Variants in ZNHIT6 observed in about 807,000 individuals in gnomAD.
The protein encoded by ZNHIT6 is zinc finger HIT-type containing 6, also known as box C/D snoRNA protein 1.
In ZNHIT6, 45 loss-of-function variants were observed where a neutral mutation model predicts 57.2. That is an observed-to-expected ratio of 0.79 (90% CI 0.62 to 1.01). The LOEUF is 1.01. Ranked by LOEUF, ZNHIT6 falls within the 50% of genes least tolerant of loss-of-function variation. The probability of loss-of-function intolerance (pLI) is 0.00; values close to 1 mark genes in which losing one functional copy is unlikely to be tolerated. For missense variants in ZNHIT6, 528 were observed against 567.3 expected (o/e 0.93, Z 0.70); for synonymous variants, 188 against 190.0 (o/e 0.99, Z 0.09).
intron 8 of ZNHIT6, among the ~76,000 whole-genome samples, chr1:85,658,376 G>A (rs577399799): frequency 6.6e-6 from 1 of 152,020 alleles, no homozygotes; most frequent in African/African-American, 2.4e-5. Context: ...CTATAGGTGC[G>A]TGCCACCATG....
chr1:85,666,602 T>C (rs1661376984), intron 8 of ZNHIT6, among the ~76,000 whole-genome samples: 1 of 152,140 alleles, frequency 6.6e-6, no homozygotes, highest in African/African-American at 2.4e-5. Context: ...CTTATATCTG[T>C]CCGGTAAACA....
rs990080066 is a variant in ZNHIT6 at position 85,708,072 on chromosome 1, T to C, written c.213A>G (p.Ile71Met). The part of the protein sequence containing the change: ...EEGSGQRPEE[I>M]PMDLTVVKQE... ...GCTTCACTACCGTTAGGTCCATCGG[T>C]ATTTCCTCTGGCCTTTGTCCACTTC... The change falls in exon 1 of 10, where the codon ATA becomes ATG. Residue 71 changes from isoleucine to methionine, a missense_variant. Transcript: ENST00000370574. The C allele has an allele frequency of 2.2e-5, 36 of 1,613,952 alleles. No homozygotes were observed. Among genetic ancestry groups the C allele is most frequent in the Non-Finnish European group, 2.9e-5 (34 of 1,180,016 alleles).
chr1:85,650,109 C>G lies in ZNHIT6; in HGVS notation c.*3949G>C, dbSNP rs545729686. The G allele has an allele frequency of 6.6e-6, 1 of 152,312 alleles. No homozygotes were observed. The highest frequency in any genetic ancestry group is 2.1e-4 in the South Asian group (1 of 4,824). 9.4% of individuals were successfully genotyped at this position (152,312 alleles called of 1,614,324 possible). ...TTCTGGCTTTCTTCTAAAAATTTCC[C>G]CCTCCTTTGGGTGAATTCCTCTCTT... is the stretch of plus-strand genomic sequence containing the variant. On this transcript the variant is annotated 3_prime_UTR_variant, in exon 10 of 10. Coordinates refer to ENST00000370574, the MANE Select transcript of ZNHIT6 (RefSeq NM_017953.4).
At chr1:85,678,888 T>C (rs1661783330) in intron 6 of ZNHIT6, 107 bp from the exon 7 acceptor site, 2 of 579,424 alleles carry the variant, frequency 3.5e-6, no homozygotes, top group Non-Finnish European at 5.8e-6. Context: ...TTTAAATAAC[T>C]GAACAAAGAC....
intron 4 of ZNHIT6, among the ~76,000 whole-genome samples, chr1:85,705,083 T>C (rs905311174): frequency 6.6e-5 from 10 of 152,238 alleles, no homozygotes; most frequent in Admixed American, 5.9e-4. Flanking sequence ...TTGGTCTCCC[T>C]GCTTCCAATC....
At chr1:85,679,570 T>TG (rs1035541362) in intron 6 of ZNHIT6, among the ~76,000 whole-genome samples, 14 of 150,864 alleles carry the variant, frequency 9.3e-5, no homozygotes, top group African/African-American at 3.2e-4. Flanking sequence ...AATGTTTTTT[T>TG]TTTTTTTTTT....
chr1:85,655,772 G>GT (rs1201682628), intron 9 of ZNHIT6, among the ~76,000 whole-genome samples: 1 of 152,166 alleles, frequency 6.6e-6, no homozygotes, highest in African/African-American at 2.4e-5. Flanking sequence ...ATCTAGTGGA[G>GT]TATCTAAATA....
At chr1:85,701,993 T>C (rs1456681659) in intron 5 of ZNHIT6, among the ~76,000 whole-genome samples, 164 bp downstream of exon 5, 1 of 151,954 alleles carries the variant, frequency 6.6e-6, no homozygotes, top group African/African-American at 2.4e-5. Context: ...AAATTTTTAT[T>C]AGAGTTACAT....
Position 85,657,884 on chromosome 1 carries a change from C to G in ZNHIT6, c.1335G>C (p.Leu445Phe). The change falls in exon 9 of 10, where the codon TTG becomes TTC. Residue 445 changes from leucine to phenylalanine, a missense_variant. By Grantham distance (22) the Leu-to-Phe change is conservative (BLOSUM62 0). Coordinates refer to ENST00000370574, the MANE Select transcript of ZNHIT6 (RefSeq NM_017953.4). The part of the protein sequence containing the change: ...IIEYPTLHVV[L>F]KGSNNDMKVL... Reference sequence around the variant, plus strand: ...CTTTCATGTCATTATTGGATCCTTTCAATACCACATGTAATGTTGGATACT... The same window carrying G: ...CTTTCATGTCATTATTGGATCCTTTGAATACCACATGTAATGTTGGATACT... 2 of 1,608,548 alleles carry G rather than the reference C, an allele frequency of 1.2e-6. No individual in the cohort carries two copies. Among genetic ancestry groups the G allele is most frequent in the South Asian group, 2.2e-5 (2 of 89,514 alleles).
In ZNHIT6 at chr1:85,707,897, C is replaced by T. The variant is rs767474400; in HGVS notation, c.388G>A (p.Ala130Thr). ...ETDSSLVVKE[A>T]KVGEPEVKEE... ...TTTACCTCTGGTTCACCCACCTTCG[C>T]TTCTTTTACCACTAAACTACTATCC... The change falls in exon 1 of 10, where the codon GCG becomes ACG. Residue 130 changes from alanine to threonine, a missense_variant. By Grantham distance (58) the Ala-to-Thr change is moderately conservative (BLOSUM62 0). Coordinates refer to ENST00000370574, the MANE Select transcript of ZNHIT6 (RefSeq NM_017953.4). 1 of 1,614,114 alleles carries T rather than the reference C, an allele frequency of 6.2e-7. No individual in the cohort carries two copies. Among genetic ancestry groups the T allele is most frequent in the South Asian group, 1.1e-5 (1 of 91,074 alleles).
At position 85,706,154 on chromosome 1, in the gene ZNHIT6, A is replaced by G; in HGVS notation, c.839T>C (p.Phe280Ser). 6.2e-7 allele frequency: 1 copy of G among 1,613,790 alleles called. No homozygotes were observed. The highest frequency in any genetic ancestry group is 8.5e-7 in the Non-Finnish European group (1 of 1,179,834). The change falls in exon 4 of 10, where the codon TTT becomes TCT. Residue 280 changes from phenylalanine to serine, a missense_variant. Phe to Ser is a radical substitution (Grantham distance 155). Transcript: ENST00000370574. Reference protein sequence around the residue: ...TEMNLLSDYRFLEDVARTADH... With the variant: ...TEMNLLSDYRSLEDVARTADH... ...CGCTGTTCTTGCCACATCTTCCAAA[A>G]ATCGATAATCTAAAAATTTCAAAAC...
chr1:85,702,686 A>ATG (rs2100720547), intron 4 of ZNHIT6, among the ~76,000 whole-genome samples: 1 of 152,318 alleles, frequency 6.6e-6, no homozygotes, highest in East Asian at 1.9e-4. Context: ...GTATATATAT[A>ATG]TCACTGATTT....
chr1:85,692,971 T>A (rs748581300), intron 5 of ZNHIT6, among the ~76,000 whole-genome samples: 1 of 152,194 alleles, frequency 6.6e-6, no homozygotes, highest in Non-Finnish European at 1.5e-5. Context: ...AGTTGTTTAG[T>A]AATAGGCGCA....
rs1661448272 is a variant in ZNHIT6, at chr1:85,668,408, G to A, written c.1247+8828C>T. ...AAAAGGAAAACAAGAGGAAGTTTAC[G>A]TAATCCCATCTAGAGAGCAAGCTCT... is the stretch of plus-strand genomic sequence containing the variant. On this transcript the variant is annotated intron_variant, in intron 8 of 9. Transcript: ENST00000370574. Among the ~76,000 whole-genome samples the A allele has an allele frequency of 5.9e-5, 9 of 152,172 alleles. No homozygotes were observed. The South Asian group carries it at 1.9e-3, about 32-fold the overall frequency.
intron 5 of ZNHIT6, among the ~76,000 whole-genome samples, chr1:85,682,435 C>T (rs1285694148): frequency 2.6e-5 from 4 of 152,086 alleles, no homozygotes; most frequent in African/African-American, 4.8e-5. Context: ...AATTGTAAAC[C>T]ATACTCAATC....
chr1:85,655,845 C>T (rs941476019), intron 9 of ZNHIT6, among the ~76,000 whole-genome samples: 4 of 152,142 alleles, frequency 2.6e-5, no homozygotes, highest in Non-Finnish European at 4.4e-5. Flanking sequence ...AAAATCTTGG[C>T]TACTGCTGAT....
intron 8 of ZNHIT6, among the ~76,000 whole-genome samples, chr1:85,668,826 C>G (rs1661461595): frequency 6.6e-6 from 1 of 152,100 alleles, no homozygotes; most frequent in South Asian, 2.1e-4. Context: ...TATACAACTT[C>G]AACAACTCAA....
At chr1:85,666,595 A>G (rs952031071) in intron 8 of ZNHIT6, among the ~76,000 whole-genome samples, 2 of 152,158 alleles carry the variant, frequency 1.3e-5, no homozygotes, top group Non-Finnish European at 2.9e-5. Context: ...AGTTGAGCTT[A>G]TATCTGTCCG....
intron 8 of ZNHIT6, among the ~76,000 whole-genome samples, chr1:85,676,631 A>G (rs528501519): frequency 6.8e-4 from 104 of 152,302 alleles, no homozygotes; most frequent in African/African-American, 2.5e-3. Context: ...CTCAAGGAAT[A>G]GGGAGGCCTG....
Sources: gnomAD v4.1 joint callset for allele counts (sites outside exome capture counted in the v4.1 genomes callset) on GRCh38, gnomAD v4.1.1 for gene constraint, MANE v1.5 for transcripts, NCBI Gene and HGNC (gene_info 2026-07-23, HGNC 2026-07-21) for gene names.